The following HORMAD2 variants were observed in gnomAD, a reference collection of about 807,000 sequenced individuals.
HORMAD2 encodes the protein HORMA domain-containing protein 2.
In HORMAD2, 45 loss-of-function variants were observed where a neutral mutation model predicts 38.8. The observed-to-expected ratio is 1.16, with a 90% CI of 0.91 to 1.49. The LOEUF is 1.49. Ranked by LOEUF, HORMAD2 falls within the 40% of genes most tolerant of loss-of-function variation. The pLI, the probability that HORMAD2 is intolerant of heterozygous loss-of-function variation, is 0.00. For missense variants in HORMAD2, 338 were observed against 367.0 expected (o/e 0.92, Z 0.65); for synonymous variants, 126 against 122.8 (o/e 1.03, Z -0.17).
At chr22:30,164,394 G>C (rs1925648683) in intron 10 of HORMAD2, among the ~76,000 whole-genome samples, 1 of 152,122 alleles carries the variant, frequency 6.6e-6, no homozygotes, top group African/African-American at 2.4e-5. Flanking sequence ...CATAGCAGCT[G>C]CACCATTTAA....
chr22:30,125,145 C>A (rs1053407124), intron 10 of HORMAD2, among the ~76,000 whole-genome samples: 1 of 142,238 alleles, frequency 7.0e-6, no homozygotes, highest in Non-Finnish European at 1.5e-5. Flanking sequence ...AGTAATAATT[C>A]TTTTTCACTC....
intron 5 of HORMAD2, among the ~76,000 whole-genome samples, chr22:30,106,693 A>C (rs761612076): frequency 6.6e-6 from 1 of 152,216 alleles, no homozygotes; most frequent in African/African-American, 2.4e-5. Flanking sequence ...TGGTCTGAAG[A>C]ATCCCAGTTC....
intron 10 of HORMAD2, among the ~76,000 whole-genome samples, chr22:30,166,766 A>C (rs924217295): frequency 1.3e-5 from 2 of 152,248 alleles, no homozygotes; most frequent in Non-Finnish European, 2.9e-5. Flanking sequence ...ATTAGAAAGA[A>C]AGTTCATGTC....
chr22:30,186,890 G>A, the HORMAD2 span, among the ~76,000 whole-genome samples: 6 of 142,302 alleles, frequency 4.2e-5, no homozygotes, highest in Admixed American at 1.4e-4. Context: ...ATTCATCTAC[G>A]ACCAAAGAAG....
At chr22:30,164,866 T>C (rs553613119) in intron 10 of HORMAD2, among the ~76,000 whole-genome samples, 1 of 152,346 alleles carries the variant, frequency 6.6e-6, no homozygotes, top group South Asian at 2.1e-4. Flanking sequence ...CATTATTAGA[T>C]AAATGATTTG....
At chr22:30,187,525 G>C in the HORMAD2 span, among the ~76,000 whole-genome samples, 1 of 151,924 alleles carries the variant, frequency 6.6e-6, no homozygotes, top group Non-Finnish European at 1.5e-5. Flanking sequence ...GTGTGTGTGT[G>C]TGTGTGTGTA....
intron 5 of HORMAD2, among the ~76,000 whole-genome samples, chr22:30,106,231 G>A (rs375590317): frequency 4.6e-5 from 7 of 152,130 alleles, no homozygotes; most frequent in South Asian, 4.2e-4. Context: ...GGCTTCTCTC[G>A]AACTCCTGAC....
chr22:30,078,607 CAAAA>C (rs55966787), upstream of HORMAD2, among the ~76,000 whole-genome samples: 17 of 28,094 alleles, frequency 6.1e-4, no homozygotes, highest in South Asian at 2.0e-3. Context: ...CTCTGTCTCA[CAAAA>C]AAAAAAAAAA....
At chr22:30,166,243 A>G (rs1238319493) in intron 10 of HORMAD2, among the ~76,000 whole-genome samples, 2 of 152,076 alleles carry the variant, frequency 1.3e-5, no homozygotes, top group South Asian at 2.1e-4. Context: ...CTATATTCCT[A>G]TTATCACCAT....
chr22:30,175,974 A>G (rs550060137), intron 10 of HORMAD2, 89 bp from the exon 11 acceptor site: 53 of 853,330 alleles, frequency 6.2e-5, no homozygotes, highest in Non-Finnish European at 8.5e-5. Flanking sequence ...AGCTTGAGGG[A>G]TTAATGCTTG....
At chr22:30,185,766 G>C in the HORMAD2 span, among the ~76,000 whole-genome samples, 2 of 152,118 alleles carry the variant, frequency 1.3e-5, no homozygotes, top group East Asian at 3.9e-4. Flanking sequence ...AGAGTTTACA[G>C]TAAGCAGCAG....
chr22:30,107,576 C>A (rs1448026560), intron 5 of HORMAD2, among the ~76,000 whole-genome samples: 1 of 151,844 alleles, frequency 6.6e-6, no homozygotes, highest in Non-Finnish European at 1.5e-5. Flanking sequence ...TGGTGACACC[C>A]TGTCTCTGCT....
At chr22:30,104,294 A>G (rs1029891860) in intron 4 of HORMAD2, 107 bp from the exon 5 acceptor site, 12 of 812,380 alleles carry the variant, frequency 1.5e-5, no homozygotes, top group Non-Finnish European at 2.3e-5. Flanking sequence ...TAAGATGGTT[A>G]TCAACTTAAT....
intron 7 of HORMAD2, among the ~76,000 whole-genome samples, chr22:30,114,413 G>A (rs1391666352): frequency 6.6e-6 from 1 of 151,924 alleles, no homozygotes; most frequent in East Asian, 1.9e-4. Context: ...ATGTTCATAG[G>A]GCCTAAAAAG....
the HORMAD2 span, among the ~76,000 whole-genome samples, chr22:30,204,429 G>A: frequency 6.6e-6 from 1 of 152,176 alleles, no homozygotes; most frequent in African/African-American, 2.4e-5. Flanking sequence ...GAGGTGAAGT[G>A]GCCACACATA....
At chr22:30,134,053 T>C (rs760273327) in intron 10 of HORMAD2, among the ~76,000 whole-genome samples, 6 of 152,152 alleles carry the variant, frequency 3.9e-5, no homozygotes, top group Non-Finnish European at 7.4e-5. Flanking sequence ...AGGTATCATT[T>C]TGACATTTAA....
intron 10 of HORMAD2, among the ~76,000 whole-genome samples, chr22:30,128,445 T>C (rs1395873403): frequency 6.6e-6 from 1 of 152,220 alleles, no homozygotes; most frequent in Non-Finnish European, 1.5e-5. Context: ...TTAATTTTAA[T>C]GACTTCTTGT....
downstream of HORMAD2, among the ~76,000 whole-genome samples, chr22:30,178,312 C>T (rs1284517855): frequency 6.6e-6 from 1 of 152,154 alleles, no homozygotes; most frequent in Admixed American, 6.6e-5. Flanking sequence ...TCTCTATTAA[C>T]ACCTCTTTCC....
chr22:30,113,112 C>T (rs1035880089), intron 7 of HORMAD2, among the ~76,000 whole-genome samples: 1 of 152,066 alleles, frequency 6.6e-6, no homozygotes, highest in Non-Finnish European at 1.5e-5. Context: ...TATATGTAAA[C>T]CTCTTTGGCT....
Sources: gnomAD v4.1 joint callset for allele counts (sites outside exome capture counted in the v4.1 genomes callset) on GRCh38, gnomAD v4.1.1 for gene constraint, MANE v1.5 for transcripts, NCBI Gene and HGNC (gene_info 2026-07-23, HGNC 2026-07-21) for gene names.